PROM1: variants seen among roughly 807,000 people sequenced by gnomAD.
PROM1 encodes prominin-1.
In PROM1, 105 loss-of-function variants were observed where a neutral mutation model predicts 116.9. The observed-to-expected ratio is 0.90, with a 90% CI of 0.77 to 1.06. PROM1 has a LOEUF of 1.06. Ranked by LOEUF, PROM1 falls within the 50% of genes least tolerant of loss-of-function variation. The pLI is 0.00. For missense variants in PROM1, 1,122 were observed against 1,045.2 expected (o/e 1.07, Z -1.01); for synonymous variants, 393 against 387.0 (o/e 1.02, Z -0.18).
chr4:16,070,453 G>A (rs1480218225), intron 2 of PROM1, among the ~76,000 whole-genome samples: 1 of 152,046 alleles, frequency 6.6e-6, no homozygotes, highest in Non-Finnish European at 1.5e-5. Flanking sequence ...GTCTGTTTTG[G>A]GATCTCTCTG....
Position 16,056,971 on chromosome 4 carries a change from A to G in PROM1, c.221-17970T>C, listed in dbSNP as rs2149492635. Among the ~76,000 whole-genome samples, 3 of 152,354 alleles carry G rather than the reference A, an allele frequency of 2.0e-5. No homozygotes were observed. In the South Asian group the frequency reaches 6.2e-4, roughly 32 times the overall value. On this transcript the variant is annotated intron_variant, in intron 2 of 27. Coordinates refer to ENST00000447510, the MANE Select transcript of PROM1 (RefSeq NM_006017.3). Reference sequence around the variant, plus strand: ...GAGCATGCGATTTCCATGCGAGCAAATTAGTCTTCAGGAAGACTGGCCTGC... The same window carrying G: ...GAGCATGCGATTTCCATGCGAGCAAGTTAGTCTTCAGGAAGACTGGCCTGC...
rs1164759268 is a variant in PROM1 at position 15,993,546 on chromosome 4, A to G, written c.1767+441T>C. 2.0e-5 allele frequency among the ~76,000 whole-genome samples: 3 copies of G among 151,828 alleles called. No homozygotes were observed. The East Asian group carries it at 5.8e-4, about 29-fold the overall frequency. The stretch of plus-strand genomic sequence containing the variant: ...ACTGGAGTCCTGGGGCCACCTTGCG[A>G]CTCATAAGGAAGGAGAACGGTATGG... On this transcript the variant is annotated intron_variant, in intron 16 of 27. Coordinates refer to ENST00000447510, the MANE Select transcript of PROM1 (RefSeq NM_006017.3).
In PROM1 at chr4:16,075,997, G is replaced by C. The variant is rs1020193646; in HGVS notation, c.-91C>G. 2.7e-6 allele frequency: 4 copies of C among 1,464,126 alleles called. No homozygotes were observed. Among genetic ancestry groups the C allele is most frequent in the Non-Finnish European group, 3.6e-6 (4 of 1,106,480 alleles). 90.7% of individuals were successfully genotyped at this position (1,464,126 alleles called of 1,614,324 possible). On this transcript the variant is annotated 5_prime_UTR_variant, in exon 2 of 28. Transcript: ENST00000447510. ...CTTGGGGAAGGCAAGCGTGTTCCTGGGCAGAAGAGGAGCAGGAAGCACTGG... is the reference window on the plus strand; with the variant it reads ...CTTGGGGAAGGCAAGCGTGTTCCTGCGCAGAAGAGGAGCAGGAAGCACTGG...
chr4:16,050,209 C>T (rs959304331), intron 2 of PROM1, among the ~76,000 whole-genome samples: 3 of 151,050 alleles, frequency 2.0e-5, no homozygotes, highest in Admixed American at 6.6e-5. Context: ...TGCAGTGAGC[C>T]GAGATCATGC....
At chr4:16,045,555 C>G (rs1039342862) in intron 2 of PROM1, among the ~76,000 whole-genome samples, 3 of 152,162 alleles carry the variant, frequency 2.0e-5, no homozygotes, top group African/African-American at 7.2e-5. Context: ...ATTAAGACCC[C>G]CAACATTTTC....
intron 12 of PROM1, among the ~76,000 whole-genome samples, chr4:16,007,868 C>T (rs747732692): frequency 1.3e-5 from 2 of 152,124 alleles, no homozygotes; most frequent in African/African-American, 2.4e-5. Flanking sequence ...GCAGGTGCTC[C>T]CTGGAGCTCG....
chr4:16,065,636 A>G (rs1251345773), intron 2 of PROM1, among the ~76,000 whole-genome samples: 1 of 152,204 alleles, frequency 6.6e-6, no homozygotes, highest in African/African-American at 2.4e-5. Flanking sequence ...CTTGCTACAC[A>G]TCTGCAGAAG....
At chr4:16,056,063 G>A (rs1738929841) in intron 2 of PROM1, among the ~76,000 whole-genome samples, 1 of 152,134 alleles carries the variant, frequency 6.6e-6, no homozygotes, top group East Asian at 1.9e-4. Context: ...GAGGACGTGT[G>A]CAAGCAGGGG....
Position 16,033,186 on chromosome 4 carries a change from G to GT in PROM1, c.509+117dup, listed in dbSNP as rs3839174. On this transcript the variant is annotated intron_variant, in intron 5 of 27. Coordinates refer to ENST00000447510, the MANE Select transcript of PROM1 (RefSeq NM_006017.3). ...GTGCTCTCTCTTTTCTGTTTGGTGG[G>GT]TTTTTTTTTCATTGTTGCTATTTTG... 8.8e-3 allele frequency: 7,518 copies of GT among 852,998 alleles called. 84 individuals carry two copies. The highest frequency in any genetic ancestry group is 0.038 in the East Asian group (1,383 of 36,812). The allele number at this position is 852,998 out of a possible 1,614,324, so 52.8% of individuals were successfully genotyped here.
chr4:15,991,228 G>C lies in PROM1; in HGVS notation c.1977C>G (p.Asn659Lys), dbSNP rs149028760. 1 of 1,607,500 alleles carries C rather than the reference G, an allele frequency of 6.2e-7. No homozygotes were observed. Among genetic ancestry groups the C allele is most frequent in the Non-Finnish European group, 8.5e-7 (1 of 1,177,154 alleles). The change falls in exon 18 of 28, where the codon AAC becomes AAG. Residue 659 changes from asparagine (N) to lysine (K), a missense_variant. Coordinates refer to ENST00000447510, the MANE Select transcript of PROM1 (RefSeq NM_006017.3). ...CCGGACGATTTGAACTCACCAAACT[G>C]TTTGCTTTTGCTTCTAGATCATATG... is the stretch of plus-strand genomic sequence containing the variant. ...SFAYDLEAKA[N>K]SLPPGNLRNS...
At chr4:16,067,191 A>G (rs1741736020) in intron 2 of PROM1, among the ~76,000 whole-genome samples, 1 of 152,214 alleles carries the variant, frequency 6.6e-6, no homozygotes, top group African/African-American at 2.4e-5. Flanking sequence ...CACGGAGGGA[A>G]GAGCCTACGT....
intron 1 of PROM1, among the ~76,000 whole-genome samples, chr4:16,081,032 T>C (rs1744936376): frequency 6.6e-6 from 1 of 150,822 alleles, no homozygotes; most frequent in African/African-American, 2.4e-5. Context: ...TCCTTTTATA[T>C]ATATACATAT....
At chr4:16,024,599 T>A (rs1300913617) in intron 6 of PROM1, among the ~76,000 whole-genome samples, 1 of 152,158 alleles carries the variant, frequency 6.6e-6, no homozygotes, top group African/African-American at 2.4e-5. Flanking sequence ...TCAACATACT[T>A]CTGGAATACA....
intron 12 of PROM1, among the ~76,000 whole-genome samples, chr4:16,007,725 C>T (rs1242901787): frequency 4.6e-5 from 7 of 152,160 alleles, no homozygotes; most frequent in Non-Finnish European, 1.0e-4. Context: ...GTCAGGTAGA[C>T]AGGTAATGGT....
chr4:16,047,480 C>T (rs1736804684), intron 2 of PROM1, among the ~76,000 whole-genome samples: 1 of 152,160 alleles, frequency 6.6e-6, no homozygotes, highest in Non-Finnish European at 1.5e-5. Context: ...GCTGGAATTA[C>T]AGGTATGAGC....
intron 2 of PROM1, among the ~76,000 whole-genome samples, chr4:16,069,229 T>C (rs113362867): frequency 0.045 from 6,870 of 152,160 alleles, 383 homozygotes; most frequent in African/African-American, 0.12. Context: ...AGCAAGACTC[T>C]GCCTCGAAAA....
intron 2 of PROM1, among the ~76,000 whole-genome samples, chr4:16,061,863 CTGTG>C (rs761827553): frequency 1.4e-3 from 214 of 150,804 alleles, no homozygotes; most frequent in Middle Eastern, 3.4e-3. Flanking sequence ...GGCATTCTCC[CTGTG>C]TGTGTGTGTT....
rs1172025477 is a variant in PROM1, at chr4:16,075,273, A to G, written c.220+414T>C. 3.3e-5 allele frequency among the ~76,000 whole-genome samples: 5 copies of G among 152,240 alleles called. No individual in the cohort carries two copies. In the East Asian group the frequency reaches 9.7e-4, roughly 29 times the overall value. ...TTGCATATTGTGGTGGGCAGAAGAG[A>G]GTTAAATTTTTAAGCGATGAGGTGG... On this transcript the variant is annotated intron_variant, in intron 2 of 27. Transcript: ENST00000447510.
At chr4:15,979,539 C>T (rs1362651437) in intron 25 of PROM1, 76 bp from the exon 26 acceptor site, 1 of 1,499,528 alleles carries the variant, frequency 6.7e-7, no homozygotes, top group African/African-American at 1.4e-5. Flanking sequence ...ATTACAAAGA[C>T]AATGTAATGG....
Sources: gnomAD v4.1 joint callset for allele counts (sites outside exome capture counted in the v4.1 genomes callset) on GRCh38, gnomAD v4.1.1 for gene constraint, MANE v1.5 for transcripts, NCBI Gene and HGNC (gene_info 2026-07-23, HGNC 2026-07-21) for gene names.